Variants in SETDB1 observed in about 807,000 individuals in gnomAD.
The protein encoded by SETDB1 is histone-lysine N-methyltransferase SETDB1.
A neutral mutation model predicts 137.4 loss-of-function variants in SETDB1; 31 were observed. The ratio of observed to expected loss-of-function variants is 0.23; its 90% CI spans 0.17 to 0.30. The LOEUF (loss-of-function observed/expected upper bound fraction) is 0.30. Ranked by LOEUF, SETDB1 falls within the 10% of genes least tolerant of loss-of-function variation. The pLI is 1.00. For synonymous variants in SETDB1, 548 were observed against 579.9 expected, an observed-to-expected ratio of 0.95 and a Z score of 0.79; for missense variants, 1,113 against 1,631.5, an observed-to-expected ratio of 0.68 and a Z score of 5.47.
In SETDB1 at chr1:150,928,080, C is replaced by T. The variant is rs915431263; in HGVS notation, c.260+106C>T. On this transcript the variant is annotated intron_variant, in intron 2 of 21. Transcript: ENST00000692827. ...AAGCATTTTATTTTATGTTTTGAGA[C>T]GGAGTCTCGCTCTGTCACCCAAGCT... 268 of 1,347,444 alleles carry T rather than the reference C, an allele frequency of 2.0e-4. 2 individuals carry two copies. The South Asian group carries it at 2.0e-3, about 10-fold the overall frequency. The allele number at this position is 1,347,444 out of a possible 1,614,324, so 83.5% of individuals were successfully genotyped here. A position where few individuals can be genotyped will look rare whatever the true frequency, so the allele number is the denominator to read the frequency against.
At chr1:150,962,889 T>C (rs1571664963) in intron 18 of SETDB1, 85 bp from the exon 19 acceptor site, 1 of 1,538,298 alleles carries the variant, frequency 6.5e-7, no homozygotes. Flanking sequence ...CACCGCCCTT[T>C]CCTGCCAAAC....
chr1:150,935,421 C>A (rs1379265641), intron 3 of SETDB1, among the ~76,000 whole-genome samples: 1 of 151,816 alleles, frequency 6.6e-6, no homozygotes, highest in East Asian at 1.9e-4. Flanking sequence ...GTTATTTCTT[C>A]ATGGTTTTTT....
chr1:150,935,271 G>A (rs1423573015), intron 3 of SETDB1, among the ~76,000 whole-genome samples: 9 of 152,174 alleles, frequency 5.9e-5, no homozygotes, highest in Admixed American at 4.6e-4. Flanking sequence ...TGTCTTGCTG[G>A]TTTTAAGGTT....
chr1:150,944,592 C>G (rs1355442993), intron 8 of SETDB1, among the ~76,000 whole-genome samples: 1 of 152,126 alleles, frequency 6.6e-6, no homozygotes, highest in Non-Finnish European at 1.5e-5. Context: ...GCCACCTGAT[C>G]TTTTTAAATT....
intron 14 of SETDB1, 93 bp downstream of exon 14, chr1:150,951,574 A>G: frequency 1.5e-6 from 1 of 670,490 alleles, no homozygotes; most frequent in Non-Finnish European, 2.6e-6. Flanking sequence ...AAATCTAAAA[A>G]TTGGAACCAA....
At chr1:150,930,289 T>C (rs773010864) in intron 3 of SETDB1, 171 bp downstream of exon 3, 5 of 571,090 alleles carry the variant, frequency 8.8e-6, no homozygotes, top group Non-Finnish European at 1.5e-5. Flanking sequence ...GTATCATAGA[T>C]GTTCCCTATG....
chr1:150,960,961 G>A lies in SETDB1; in HGVS notation c.2902G>A (p.Gly968Ser). 6.2e-7 allele frequency: 1 copy of A among 1,613,792 alleles called. No homozygotes were observed. Among genetic ancestry groups the A allele is most frequent in the Non-Finnish European group, 8.5e-7 (1 of 1,179,960 alleles). Residue 968 changes from glycine to serine, a missense_variant, in exon 16 of 22, where the codon GGC (glycine) becomes AGC (serine). Gly to Ser is a moderately conservative substitution (Grantham distance 56). Coordinates refer to ENST00000692827, the MANE Select transcript of SETDB1 (RefSeq NM_001366418.1). Reference protein sequence around the residue: ...IPVPPSIPVGGCNPPSSEETP... With the variant: ...IPVPPSIPVGSCNPPSSEETP... ...TGTTCCTCCCTCAATCCCTGTAGGT[G>A]GCTGCAATCCACCTTCCTCCGAAGA...
At position 150,964,463 on chromosome 1, in the gene SETDB1, C is replaced by T. The variant is rs776108591; in HGVS notation, c.*99C>T. On this transcript the variant is annotated 3_prime_UTR_variant, in exon 22 of 22. Transcript: ENST00000692827. ...TGACCCGAAGTCTCTGGGCTAGCTA[C>T]TCCCCCCAGCTCCTAGTTGATAGAA... 1.2e-6 allele frequency: 1 copy of T among 806,292 alleles called. No individual in the cohort carries two copies. The highest frequency in any genetic ancestry group is 1.4e-5 in the South Asian group (1 of 69,514). 49.9% of individuals were successfully genotyped at this position (806,292 alleles called of 1,614,324 possible).
At chr1:150,946,001 C>CTGTTTTGTTT (rs3034037) in intron 9 of SETDB1, among the ~76,000 whole-genome samples, 260 of 149,482 alleles carry the variant, frequency 1.7e-3, no homozygotes, top group African/African-American at 5.0e-3. Flanking sequence ...CACGCCTGGC[C>CTGTTTTGTTT]TGTTTTGTTT....
intron 1 of SETDB1, 192 bp downstream of exon 1, chr1:150,926,709 C>T (rs1571616180): frequency 1.9e-6 from 1 of 531,688 alleles, no homozygotes; most frequent in South Asian, 1.4e-5. Flanking sequence ...GGTGTGTGGG[C>T]AGAGGAAAAT....
chr1:150,948,665 G>A lies in SETDB1; in HGVS notation c.1268-457G>A, dbSNP rs1039171410. Among the ~76,000 whole-genome samples, 8 of 151,636 alleles carry A rather than the reference G, an allele frequency of 5.3e-5. No homozygotes were observed. The East Asian group carries it at 5.8e-4, about 11-fold the overall frequency. ...AAGTCAAAAAACAATGTATGCCAGC[G>A]TCCATGCCAGTCAATAATGGGAACT... On this transcript the variant is annotated intron_variant, in intron 10 of 21. Transcript: ENST00000692827.
At chr1:150,937,026 G>A (rs963901734) in intron 3 of SETDB1, among the ~76,000 whole-genome samples, 1 of 152,142 alleles carries the variant, frequency 6.6e-6, no homozygotes, top group East Asian at 1.9e-4. Flanking sequence ...TGGGGAGGCA[G>A]CGGCACAAGA....
chr1:150,962,300 C>G, intron 17 of SETDB1, 142 bp downstream of exon 17: 1 of 807,418 alleles, frequency 1.2e-6, no homozygotes, highest in Non-Finnish European at 2.1e-6. Flanking sequence ...TCCCTAGTAG[C>G]TGGGACTACG....
Position 150,961,210 on chromosome 1 carries a change from C to G in SETDB1, c.3132+19C>G, listed in dbSNP as rs1235036319. ...GAAAGAGGTAAGCAGTGGCAGAACACTCTGAGAGCTATGGCTTTAACTTTG... is the reference window on the plus strand; with the variant it reads ...GAAAGAGGTAAGCAGTGGCAGAACAGTCTGAGAGCTATGGCTTTAACTTTG... On this transcript the variant is annotated intron_variant, in intron 16 of 21. Transcript: ENST00000692827. The G allele has an allele frequency of 1.9e-6, 3 of 1,609,726 alleles. No homozygotes were observed. The highest frequency in any genetic ancestry group is 1.3e-5 in the African/African-American group (1 of 74,908).
intron 3 of SETDB1, among the ~76,000 whole-genome samples, chr1:150,936,691 A>G (rs1669954398): frequency 1.3e-5 from 2 of 152,080 alleles, no homozygotes; most frequent in South Asian, 4.1e-4. Flanking sequence ...ACTTTATTTG[A>G]TATATATTTT....
rs1571639547 is a variant in SETDB1, at chr1:150,942,834, T to C, written c.674-18T>C. On this transcript the variant is annotated intron_variant, in intron 6 of 21. Coordinates refer to ENST00000692827, the MANE Select transcript of SETDB1 (RefSeq NM_001366418.1). ...AACTGGCAGTGTTTAAAAAGATTTATCTTTCCCTTTTACTCAGGGCCAGGG... is the reference window on the plus strand; with the variant it reads ...AACTGGCAGTGTTTAAAAAGATTTACCTTTCCCTTTTACTCAGGGCCAGGG... The C allele has an allele frequency of 6.2e-7, 1 of 1,612,238 alleles. No homozygotes were observed. The highest frequency in any genetic ancestry group is 8.5e-7 in the Non-Finnish European group (1 of 1,178,322).
rs1246297625 is a variant in SETDB1, at chr1:150,927,984, C to T, written c.260+10C>T. 6 of 1,611,514 alleles carry T rather than the reference C, an allele frequency of 3.7e-6. No homozygotes were observed. In the African/African-American group the frequency reaches 8.0e-5, roughly 22 times the overall value. On this transcript the variant is annotated intron_variant, in intron 2 of 21. Coordinates refer to ENST00000692827, the MANE Select transcript of SETDB1 (RefSeq NM_001366418.1). ...TTGATGATGCATCCAGGTGAGAACTCCATGGAAAATAGAAGGAAATCTCTC... is the reference window on the plus strand; with the variant it reads ...TTGATGATGCATCCAGGTGAGAACTTCATGGAAAATAGAAGGAAATCTCTC...
rs1225714666 is a variant in SETDB1 at position 150,933,767 on chromosome 1, C to CTTTTTTTTTTTTTTTTT, written c.412+3654_412+3655insTTTTTTTTTTTTTTTTT. 5.1e-5 allele frequency among the ~76,000 whole-genome samples: 6 copies of CTTTTTTTTTTTTTTTTT among 116,820 alleles called. 2 individuals carry two copies. Among genetic ancestry groups the CTTTTTTTTTTTTTTTTT allele is most frequent in the Non-Finnish European group, 7.1e-5 (4 of 56,036 alleles). The allele number at this position is 116,820 out of a possible 152,430, so 76.6% of individuals were successfully genotyped here. A position where few individuals can be genotyped will look rare whatever the true frequency, so the allele number is the denominator to read the frequency against. On this transcript the variant is annotated intron_variant, in intron 3 of 21. Transcript: ENST00000692827. ...GATTTTTCTTTTTCTTTTTCTTTTT[C>CTTTTTTTTTTTTTTTTT]TTTTTCTTTTTCTTTTTTTTTTTTT...
intron 14 of SETDB1, among the ~76,000 whole-genome samples, chr1:150,951,894 TC>T (rs947194893): frequency 2.0e-5 from 3 of 152,150 alleles, no homozygotes; most frequent in African/African-American, 7.2e-5. Context: ...ACACCTGTAA[TC>T]CCAGCACTTT....
Sources: gnomAD v4.1 joint callset for allele counts (sites outside exome capture counted in the v4.1 genomes callset) on GRCh38, gnomAD v4.1.1 for gene constraint, MANE v1.5 for transcripts, NCBI Gene and HGNC (gene_info 2026-07-23, HGNC 2026-07-21) for gene names.